The following EARS2 variants were observed in gnomAD, a reference collection of about 807,000 sequenced individuals.
EARS2 encodes glutamyl-tRNA synthetase 2, mitochondrial, also known as nondiscriminating glutamyl-tRNA synthetase EARS2, mitochondrial.
In EARS2, 50 loss-of-function variants were observed where a neutral mutation model predicts 54.1. The observed-to-expected ratio is 0.92, with a 90% CI of 0.74 to 1.17. The LOEUF (loss-of-function observed/expected upper bound fraction) is 1.17. Ranked by LOEUF, EARS2 falls within the 50% of genes most tolerant of loss-of-function variation. The pLI is 0.00. For missense variants in EARS2, 673 were observed against 675.0 expected, an observed-to-expected ratio of 1.00 and a Z score of 0.03; for synonymous variants, 298 against 281.0, an observed-to-expected ratio of 1.06 and a Z score of -0.61.
At position 23,552,242 on chromosome 16, in the gene EARS2, G is replaced by C; in HGVS notation, c.202C>G (p.Gln68Glu). ...LYNYIFAKKY[Q>E]GSFILRLEDT... ...TCTAGCCTCAGGATGAAGCTCCCCT[G>C]GTACTTCTTAGCAAAGATGTAGTTG... is the stretch of plus-strand genomic sequence containing the variant. The change falls in exon 2 of 9, where the codon CAG becomes GAG. Residue 68 changes from glutamine to glutamate, a missense_variant. Physicochemically the swap from Gln to Glu is conservative, Grantham distance 29. Around this residue, in one of 3 missense-constraint regions of EARS2, gnomAD observed 316 missense variants for 275.2 expected, o/e 1.15. Transcript: ENST00000449606. The C allele has an allele frequency of 6.2e-7, 1 of 1,614,168 alleles. No individual in the cohort carries two copies. Among genetic ancestry groups the C allele is most frequent in the Non-Finnish European group, 8.5e-7 (1 of 1,180,012 alleles).
chr16:23,551,203 C>T (rs1965689227), intron 2 of EARS2, among the ~76,000 whole-genome samples: 1 of 152,248 alleles, frequency 6.6e-6, no homozygotes, highest in Non-Finnish European at 1.5e-5. Context: ...ACTCCCAACT[C>T]TGGATGAGGT....
chr16:23,524,170 G>A lies in EARS2; in HGVS notation c.*201C>T, dbSNP rs1028683326. 6.6e-6 allele frequency: 4 copies of A among 609,126 alleles called. No individual in the cohort carries two copies. The highest frequency in any genetic ancestry group is 1.2e-5 in the Non-Finnish European group (4 of 340,886). 37.7% of individuals were successfully genotyped at this position (609,126 alleles called of 1,614,324 possible). On this transcript the variant is annotated 3_prime_UTR_variant, in exon 9 of 9. Transcript: ENST00000449606. ...CTTTCCAGAGTCCAGGAGGTTAGAT[G>A]GGTTGGGCTTCCCCAGCCAATTGAC... is the stretch of plus-strand genomic sequence containing the variant.
At chr16:23,532,898 G>GT (rs1567380858) in intron 4 of EARS2, 133 bp from the exon 5 acceptor site, 1 of 560,242 alleles carries the variant, frequency 1.8e-6, no homozygotes, top group Non-Finnish European at 3.1e-6. Flanking sequence ...CTAGCTCACT[G>GT]TAACCTCAAA....
chr16:23,556,688 T>C (rs1965792947), intron 1 of EARS2: 2 of 354,062 alleles, frequency 5.6e-6, no homozygotes, highest in Non-Finnish European at 1.1e-5. Flanking sequence ...AGGCTTCACA[T>C]AGCGTGCTCC....
intron 2 of EARS2, among the ~76,000 whole-genome samples, chr16:23,546,811 G>A (rs932286500): frequency 2.6e-5 from 4 of 152,164 alleles, no homozygotes; most frequent in Admixed American, 1.3e-4. Context: ...CTCTTGCCTC[G>A]GCTTCCCAGT....
At chr16:23,555,066 G>A (rs1965753998) in intron 1 of EARS2, among the ~76,000 whole-genome samples, 1 of 152,218 alleles carries the variant, frequency 6.6e-6, no homozygotes, top group Non-Finnish European at 1.5e-5. Context: ...TGTGTATTAA[G>A]TGCTTTCTGG....
chr16:23,547,059 C>T (rs1965614882), intron 2 of EARS2, among the ~76,000 whole-genome samples: 1 of 152,194 alleles, frequency 6.6e-6, no homozygotes, highest in African/African-American at 2.4e-5. Flanking sequence ...TTAACTTAAA[C>T]TCTGGCATGT....
At chr16:23,531,734 T>C (rs535046928) in intron 5 of EARS2, among the ~76,000 whole-genome samples, 4 of 152,374 alleles carry the variant, frequency 2.6e-5, no homozygotes, top group African/African-American at 9.6e-5. Flanking sequence ...GCACTGATAC[T>C]GTGTCCCCAA....
At chr16:23,529,364 G>T in intron 7 of EARS2, 138 bp downstream of exon 7, 1 of 1,168,844 alleles carries the variant, frequency 8.6e-7, no homozygotes, top group Non-Finnish European at 1.2e-6. Context: ...ACCAGCGAAA[G>T]CCAGTGAAGG....
At chr16:23,525,030 G>T in intron 8 of EARS2, 1 of 634,894 alleles carries the variant, frequency 1.6e-6, no homozygotes, top group Non-Finnish European at 2.7e-6. Context: ...TTATGTATGT[G>T]TGTTTAATTC....
intron 3 of EARS2, among the ~76,000 whole-genome samples, chr16:23,538,107 T>C (rs1260071557): frequency 2.0e-5 from 3 of 151,626 alleles, no homozygotes; most frequent in Non-Finnish European, 2.9e-5. Context: ...AATCGATACA[T>C]TGATGATGCA....
At chr16:23,536,686 T>C (rs1460888991) in intron 3 of EARS2, among the ~76,000 whole-genome samples, 1 of 145,610 alleles carries the variant, frequency 6.9e-6, no homozygotes, top group South Asian at 2.2e-4. Flanking sequence ...TTTTTTCTTT[T>C]TTTTTTTTTT....
In EARS2 at chr16:23,557,336, G is replaced by A. The variant is rs1400641811; in HGVS notation, c.8C>T (p.Ala3Val). Residue 3 changes from alanine to valine, a missense_variant, in exon 1 of 9, where the codon GCG becomes GTG. Physicochemically the swap from Ala to Val is moderately conservative, Grantham distance 64 (BLOSUM62 0). Transcript: ENST00000449606. MA[A>V]LLRRLLQRER... is the part of the protein sequence containing the mutation. Reference sequence around the variant, plus strand: ...GCGCTGCAGCAGTCTCCTCAGGAGCGCCGCCATGTGGGATGGAATAGCACA... The same window carrying A: ...GCGCTGCAGCAGTCTCCTCAGGAGCACCGCCATGTGGGATGGAATAGCACA... 5 of 1,545,236 alleles carry A rather than the reference G, an allele frequency of 3.2e-6. No individual in the cohort carries two copies. The highest frequency in any genetic ancestry group is 1.7e-4 in the Middle Eastern group (1 of 5,944).
At chr16:23,527,814 A>C (rs1965256386) in intron 7 of EARS2, among the ~76,000 whole-genome samples, 1 of 152,132 alleles carries the variant, frequency 6.6e-6, no homozygotes, top group African/African-American at 2.4e-5. Context: ...GGGCCTCACA[A>C]AGTGCTGGGA....
intron 2 of EARS2, among the ~76,000 whole-genome samples, chr16:23,550,238 A>C (rs1965671062): frequency 6.6e-6 from 1 of 152,082 alleles, no homozygotes; most frequent in East Asian, 1.9e-4. Context: ...ATGGTGGCAC[A>C]CAGCTATGGT....
chr16:23,525,109 ACT>A, intron 8 of EARS2, 133 bp downstream of exon 8: 1 of 1,204,254 alleles, frequency 8.3e-7, no homozygotes, highest in South Asian at 1.3e-5. Context: ...CTGTTGATTG[ACT>A]AAATGAGGGG....
chr16:23,540,927 G>A (rs1182141660), intron 3 of EARS2, among the ~76,000 whole-genome samples: 43 of 152,144 alleles, frequency 2.8e-4, no homozygotes, highest in Non-Finnish European at 1.5e-5. Context: ...GGAAGTGGAG[G>A]TTGCAGTGAG....
In EARS2 at chr16:23,552,319, A is replaced by G; in HGVS notation, c.140-15T>C. The G allele has an allele frequency of 6.2e-7, 1 of 1,612,884 alleles. No homozygotes were observed. The highest frequency in any genetic ancestry group is 8.5e-7 in the Non-Finnish European group (1 of 1,178,924). ...GTGCAAGAAGCCTGGAGAAGAGAAC[A>G]GCTCAGATAAGACAGGGAAGATAAG... On this transcript the variant is annotated splice_polypyrimidine_tract_variant and intron_variant, in intron 1 of 8. Coordinates refer to ENST00000449606, the MANE Select transcript of EARS2 (RefSeq NM_001083614.2).
chr16:23,537,794 C>CTTTTTTTTTTTTTT (rs562913476), intron 3 of EARS2, among the ~76,000 whole-genome samples: 1 of 137,490 alleles, frequency 7.3e-6, no homozygotes, highest in Admixed American at 7.4e-5. Flanking sequence ...CTTTTTCTTT[C>CTTTTTTTTTTTTTT]TTTTTTTTTT....
Sources: gnomAD v4.1 joint callset for allele counts (sites outside exome capture counted in the v4.1 genomes callset) on GRCh38, gnomAD v4.1.1 for gene constraint, gnomAD v4.1.1 regional missense constraint, MANE v1.5 for transcripts, NCBI Gene and HGNC (gene_info 2026-07-23, HGNC 2026-07-21) for gene names.